Variants in LNPK observed in about 807,000 individuals in gnomAD.
LNPK encodes endoplasmic reticulum junction formation protein lunapark.
A neutral mutation model predicts 55.2 loss-of-function variants in LNPK; 29 were observed. The ratio of observed to expected loss-of-function variants is 0.53; its 90% confidence interval spans 0.39 to 0.72. The LOEUF (loss-of-function observed/expected upper bound fraction) is 0.72, where lower values mean the gene tolerates loss of function less well. LNPK is among the 30% of genes least tolerant of loss of function. LNPK has a pLI of 0.00. For missense variants in LNPK, 467 were observed against 494.8 expected, an observed-to-expected ratio of 0.94 and a Z score of 0.53; for synonymous variants, 162 against 168.2, an observed-to-expected ratio of 0.96 and a Z score of 0.29.
At chr2:176,001,394 G>A (rs1381364060) in intron 1 of LNPK, among the ~76,000 whole-genome samples, 1 of 152,134 alleles carries the variant, frequency 6.6e-6, no homozygotes, top group Non-Finnish European at 1.5e-5. Context: ...AGTGATTCAC[G>A]GGTCTTGCTT....
intron 2 of LNPK, among the ~76,000 whole-genome samples, chr2:175,994,462 A>G (rs1048410993): frequency 6.6e-6 from 1 of 152,226 alleles, no homozygotes; most frequent in Non-Finnish European, 1.5e-5. Flanking sequence ...GTAAAAAAAA[A>G]TAAGTAGTTT....
intron 5 of LNPK, among the ~76,000 whole-genome samples, chr2:175,979,569 CA>C (rs147389697): frequency 0.024 from 2,366 of 97,224 alleles, 30 homozygotes; most frequent in South Asian, 0.11. Flanking sequence ...GACTCTGTCT[CA>C]AAAAAAAAAA....
chr2:175,970,712 T>C (rs1574867815), intron 6 of LNPK, 52 bp downstream of exon 6: 2 of 982,194 alleles, frequency 2.0e-6, no homozygotes, highest in East Asian at 3.5e-5. Flanking sequence ...ACATTAATTA[T>C]TCAGTTCTTA....
chr2:175,986,873 C>A (rs2105703863), intron 4 of LNPK, among the ~76,000 whole-genome samples: 1 of 150,574 alleles, frequency 6.6e-6, no homozygotes, highest in East Asian at 2.0e-4. Context: ...AAAAACACAT[C>A]AAGTATGTCC....
chr2:175,967,493 C>T (rs960640331), intron 6 of LNPK: 9 of 220,274 alleles, frequency 4.1e-5, no homozygotes, highest in Admixed American at 6.5e-5. Context: ...AATTTTAAAA[C>T]GCACAAAGCA....
At chr2:175,977,020 A>T (rs1446650345) in intron 5 of LNPK, among the ~76,000 whole-genome samples, 1 of 152,198 alleles carries the variant, frequency 6.6e-6, no homozygotes, top group Non-Finnish European at 1.5e-5. Context: ...AAGAGCAGAC[A>T]TGAGGGAGTG....
chr2:175,951,584 C>CATATATATATAT lies in LNPK; in HGVS notation c.494-3904_494-3893dup, dbSNP rs56037027. ...TATGGCTGAGTAGTATTCCATCATT[C>CATATATATATAT]ATATATATATATATATATATATATA... On this transcript the variant is annotated intron_variant, in intron 8 of 12. Transcript: ENST00000272748. 8.5e-3 allele frequency among the ~76,000 whole-genome samples: 768 copies of CATATATATATAT among 90,618 alleles called. 45 individuals carry two copies. Among genetic ancestry groups the CATATATATATAT allele is most frequent in the African/African-American group, 0.023 (498 of 21,798 alleles). The allele number at this position is 90,618 out of a possible 152,430, so 59.4% of individuals were successfully genotyped here. A position where few individuals can be genotyped will look rare whatever the true frequency, so the allele number is the denominator to read the frequency against.
At chr2:175,995,108 G>T (rs1196956803) in intron 2 of LNPK, among the ~76,000 whole-genome samples, 1 of 151,796 alleles carries the variant, frequency 6.6e-6, no homozygotes, top group African/African-American at 2.4e-5. Context: ...TTTTAGTAGA[G>T]ACGGGGTTTC....
chr2:175,944,615 T>C (rs1391201288), intron 9 of LNPK, among the ~76,000 whole-genome samples: 1 of 151,648 alleles, frequency 6.6e-6, no homozygotes, highest in African/African-American at 2.4e-5. Flanking sequence ...GCAATGGAGG[T>C]TTACATGGAG....
chr2:175,929,747 T>C lies in LNPK; in HGVS notation c.*220A>G, dbSNP rs774789244. On this transcript the variant is annotated 3_prime_UTR_variant, in exon 13 of 13. Coordinates refer to ENST00000272748, the MANE Select transcript of LNPK (RefSeq NM_030650.3). ...AAAGCTGTCTCAATAGTGTGGGTCT[T>C]TGTACATTCAAAAGGATCTTACTTC... 3.6e-6 allele frequency: 5 copies of C among 1,394,450 alleles called. No homozygotes were observed. The highest frequency in any genetic ancestry group is 4.6e-6 in the Non-Finnish European group (5 of 1,078,724). 86.4% of individuals were successfully genotyped at this position (1,394,450 alleles called of 1,614,324 possible).
intron 5 of LNPK, among the ~76,000 whole-genome samples, chr2:175,979,030 T>A (rs1345633294): frequency 1.3e-5 from 2 of 152,160 alleles, no homozygotes. Flanking sequence ...AAAATTTTTT[T>A]AAAAGCAAAT....
At chr2:175,988,377 T>C (rs559448152) in intron 4 of LNPK, among the ~76,000 whole-genome samples, 1 of 151,542 alleles carries the variant, frequency 6.6e-6, no homozygotes, top group East Asian at 1.9e-4. Context: ...ATAGGGATGG[T>C]GGTGAATGCG....
intron 8 of LNPK, among the ~76,000 whole-genome samples, chr2:175,955,999 G>A (rs1685674676): frequency 6.6e-6 from 1 of 152,100 alleles, no homozygotes; most frequent in Admixed American, 6.5e-5. Context: ...GATTTTTTAG[G>A]CTGGGCGTGG....
At chr2:175,977,653 A>T (rs970899149) in intron 5 of LNPK, among the ~76,000 whole-genome samples, 1 of 152,232 alleles carries the variant, frequency 6.6e-6, no homozygotes, top group Non-Finnish European at 1.5e-5. Context: ...GACATAGATA[A>T]TGAGTGACCT....
chr2:175,963,785 T>C (rs958582178), intron 8 of LNPK, among the ~76,000 whole-genome samples: 1 of 151,736 alleles, frequency 6.6e-6, no homozygotes, highest in African/African-American at 2.4e-5. Context: ...CCCATGCCAG[T>C]CTGGGGAATA....
At chr2:175,950,594 T>A (rs1486858387) in intron 8 of LNPK, among the ~76,000 whole-genome samples, 1 of 152,104 alleles carries the variant, frequency 6.6e-6, no homozygotes, top group African/African-American at 2.4e-5. Context: ...AACAGAAGCT[T>A]AAATTAATGA....
rs1217080677 is a variant in LNPK at position 175,947,470 on chromosome 2, C to T, written c.706+10G>A. The stretch of plus-strand genomic sequence containing the variant: ...TATAAACTGTAAATAACATTAAGTG[C>T]TCTGTTTACCCATTCCAGGCACTGA... On this transcript the variant is annotated intron_variant, in intron 9 of 12. Transcript: ENST00000272748. 1 of 1,605,360 alleles carries T rather than the reference C, an allele frequency of 6.2e-7. No homozygotes were observed. Among genetic ancestry groups the T allele is most frequent in the Non-Finnish European group, 8.5e-7 (1 of 1,173,432 alleles).
At chr2:175,959,998 A>G (rs1308285133) in intron 8 of LNPK, among the ~76,000 whole-genome samples, 2 of 152,236 alleles carry the variant, frequency 1.3e-5, no homozygotes, top group African/African-American at 4.8e-5. Flanking sequence ...AGTCAATTCA[A>G]CAAGAAGAGC....
intron 8 of LNPK, among the ~76,000 whole-genome samples, chr2:175,963,039 A>C: frequency 6.7e-6 from 1 of 148,228 alleles, no homozygotes; most frequent in Non-Finnish European, 1.5e-5. Context: ...GGCAATCATT[A>C]AAAAGTCAGG....
Sources: gnomAD v4.1 joint callset for allele counts (sites outside exome capture counted in the v4.1 genomes callset) on GRCh38, gnomAD v4.1.1 for gene constraint, MANE v1.5 for transcripts, NCBI Gene and HGNC (gene_info 2026-07-23, HGNC 2026-07-21) for gene names.